The following CACNA1E variants were observed in gnomAD, a reference collection of about 807,000 sequenced individuals.
The protein encoded by CACNA1E is voltage-dependent R-type calcium channel subunit alpha-1E.
A neutral mutation model predicts 259.2 loss-of-function variants in CACNA1E; 40 were observed. That is an observed-to-expected ratio of 0.15 (90% CI 0.12 to 0.20). CACNA1E has a LOEUF of 0.20. Ranked by LOEUF, CACNA1E falls within the 10% of genes least tolerant of loss-of-function variation. The pLI is 1.00. For synonymous variants in CACNA1E, 1,104 were observed against 1,138.5 expected (o/e 0.97, Z 0.61); for missense variants, 1,874 against 3,040.1 (o/e 0.62, Z 9.02).
intron 25 of CACNA1E, among the ~76,000 whole-genome samples, chr1:181,745,964 G>T (rs1465880938): frequency 6.6e-6 from 1 of 152,182 alleles, no homozygotes; most frequent in African/African-American, 2.4e-5. Flanking sequence ...CTTGCAAAAG[G>T]CTCTCGGGAG....
intron 1 of CACNA1E, among the ~76,000 whole-genome samples, chr1:181,349,591 G>T (rs1336014391): frequency 6.6e-6 from 1 of 152,162 alleles, no homozygotes; most frequent in Admixed American, 6.5e-5. Context: ...GGGCTGCCAG[G>T]GTGGGAGTGC....
Position 181,730,087 on chromosome 1 carries a change from C to T in CACNA1E, c.2241-1088C>T, listed in dbSNP as rs59606169. On this transcript the variant is annotated intron_variant, in intron 18 of 47. Transcript: ENST00000367573. ...ACATGTGCACTGTGCATCTTCCAGA[C>T]ACCCAGAGTGGGCCTCAGACCAACT... is the stretch of plus-strand genomic sequence containing the variant. Among the ~76,000 whole-genome samples, 637 of 152,378 alleles carry T rather than the reference C, an allele frequency of 4.2e-3. 7 individuals carry two copies. Among genetic ancestry groups the T allele is most frequent in the African/African-American group, 0.015 (609 of 41,586 alleles).
intron 1 of CACNA1E, among the ~76,000 whole-genome samples, chr1:181,328,903 A>T (rs563879572): frequency 1.3e-5 from 2 of 152,310 alleles, no homozygotes; most frequent in South Asian, 4.1e-4. Context: ...CCATAGTGTC[A>T]TTACTCAAAG....
intron 2 of CACNA1E, among the ~76,000 whole-genome samples, chr1:181,420,533 A>G (rs1658649227): frequency 1.3e-5 from 2 of 152,206 alleles, no homozygotes; most frequent in Admixed American, 1.3e-4. Context: ...CAATGACCTC[A>G]TGAATTAGCT....
At chr1:181,595,528 T>G (rs1335280916) in intron 6 of CACNA1E, among the ~76,000 whole-genome samples, 3 of 152,178 alleles carry the variant, frequency 2.0e-5, no homozygotes, top group Non-Finnish European at 4.4e-5. Flanking sequence ...CCTGTATCTC[T>G]CCACCATCCT....
chr1:181,681,530 G>T (rs947562134), intron 7 of CACNA1E, among the ~76,000 whole-genome samples: 2 of 152,096 alleles, frequency 1.3e-5, no homozygotes, highest in African/African-American at 4.8e-5. Context: ...ACCAAATGGT[G>T]TCCCTTCCTC....
At chr1:181,780,497 G>A (rs1660330053) in intron 38 of CACNA1E, among the ~76,000 whole-genome samples, 1 of 152,180 alleles carries the variant, frequency 6.6e-6, no homozygotes, top group African/African-American at 2.4e-5. Flanking sequence ...CAGGCAGCTG[G>A]AAGATGACCT....
chr1:181,603,332 G>T (rs916657499), intron 6 of CACNA1E, among the ~76,000 whole-genome samples: 1 of 152,134 alleles, frequency 6.6e-6, no homozygotes, highest in African/African-American at 2.4e-5. Context: ...CTGCCTGTCT[G>T]CAGGGTCTTT....
At chr1:181,386,571 C>T (rs1655864767) in intron 1 of CACNA1E, among the ~76,000 whole-genome samples, 1 of 152,230 alleles carries the variant, frequency 6.6e-6, no homozygotes, top group Non-Finnish European at 1.5e-5. Flanking sequence ...AAATTGGTCT[C>T]TGGCCAACAT....
At position 181,737,541 on chromosome 1, in the gene CACNA1E, C is replaced by T; in HGVS notation, c.3439C>T (p.His1147Tyr). 6.2e-7 allele frequency: 1 copy of T among 1,613,936 alleles called. No homozygotes were observed. Among genetic ancestry groups the T allele is most frequent in the Non-Finnish European group, 8.5e-7 (1 of 1,179,838 alleles). Residue 1147 changes from histidine to tyrosine, a missense_variant, in exon 23 of 48, where the codon CAC (histidine) becomes TAC (tyrosine). His to Tyr is a moderately conservative substitution (Grantham distance 83). Around this residue, in one of 14 missense-constraint regions of CACNA1E, gnomAD observed 56 missense variants for 97.4 expected, o/e 0.57. Coordinates refer to ENST00000367573, the MANE Select transcript of CACNA1E (RefSeq NM_001205293.3). ...TGCCCGCAGGATCCGGAGGGCCTGC[C>T]ACTACATCGTGAACCTGCGCTACTT... is the stretch of plus-strand genomic sequence containing the variant. ...STTNPIRRACHYIVNLRYFEM... is the reference protein window; with the variant it reads ...STTNPIRRACYYIVNLRYFEM...
intron 6 of CACNA1E, among the ~76,000 whole-genome samples, chr1:181,583,610 A>T (rs891446915): frequency 1.3e-5 from 2 of 151,494 alleles, no homozygotes; most frequent in South Asian, 4.2e-4. Context: ...TGTAGCACAG[A>T]CTCTTCCTAG....
intron 1 of CACNA1E, among the ~76,000 whole-genome samples, chr1:181,500,361 G>A (rs1665136606): frequency 6.6e-6 from 1 of 152,198 alleles, no homozygotes; most frequent in Non-Finnish European, 1.5e-5. Context: ...TGTCCTCTCT[G>A]TATGTCTCTT....
chr1:181,391,622 C>T (rs184913908), intron 1 of CACNA1E, among the ~76,000 whole-genome samples: 51 of 152,270 alleles, frequency 3.3e-4, no homozygotes, highest in Non-Finnish European at 6.3e-4. Flanking sequence ...GGGAAATACT[C>T]GGGCTCCTCT....
chr1:181,641,667 C>T (rs1329801826), intron 6 of CACNA1E, among the ~76,000 whole-genome samples: 2 of 144,142 alleles, frequency 1.4e-5, no homozygotes, highest in Non-Finnish European at 3.0e-5. Flanking sequence ...CCTCGGGTAG[C>T]TTTCAAATGA....
At chr1:181,695,847 C>T (rs1034353042) in intron 7 of CACNA1E, among the ~76,000 whole-genome samples, 2 of 152,102 alleles carry the variant, frequency 1.3e-5, no homozygotes, top group Admixed American at 6.5e-5. Context: ...CCCAGCTACT[C>T]GGGAGGCTGA....
intron 1 of CACNA1E, among the ~76,000 whole-genome samples, chr1:181,319,126 G>A (rs142080066): frequency 6.6e-6 from 1 of 152,300 alleles, no homozygotes; most frequent in Non-Finnish European, 1.5e-5. Context: ...TCAGGCTGTG[G>A]GTGCGTGCAG....
chr1:181,719,923 C>A, intron 13 of CACNA1E, 60 bp downstream of exon 13: 1 of 967,800 alleles, frequency 1.0e-6, no homozygotes, highest in Non-Finnish European at 1.6e-6. Flanking sequence ...TTTTTTCTGC[C>A]TTATATTTTC....
At chr1:181,788,618 G>A (rs548142803) in intron 43 of CACNA1E, among the ~76,000 whole-genome samples, 18 of 152,236 alleles carry the variant, frequency 1.2e-4, no homozygotes, top group Non-Finnish European at 1.6e-4. Context: ...AAAAAAGGCC[G>A]CCATGTCTGG....
intron 36 of CACNA1E, 71 bp downstream of exon 36, chr1:181,771,455 C>T (rs1659505922): frequency 2.5e-6 from 2 of 802,412 alleles, no homozygotes; most frequent in East Asian, 2.6e-5. Context: ...CTGCCTCTTC[C>T]TCCCATTTCC....
Sources: gnomAD v4.1 joint callset for allele counts (sites outside exome capture counted in the v4.1 genomes callset) on GRCh38, gnomAD v4.1.1 for gene constraint, gnomAD v4.1.1 regional missense constraint, MANE v1.5 for transcripts, NCBI Gene and HGNC (gene_info 2026-07-23, HGNC 2026-07-21) for gene names.